IQCK: variants seen among roughly 807,000 people sequenced by gnomAD.
IQCK encodes IQ motif containing K, also known as IQ domain-containing protein K.
IQCK carries 29 observed loss-of-function variants against 28.1 expected under a neutral mutation model. That is an observed-to-expected ratio of 1.03 (90% CI 0.77 to 1.41). The LOEUF (loss-of-function observed/expected upper bound fraction) is 1.41, where lower values mean the gene tolerates loss of function less well. Among genes scored for constraint, IQCK ranks in the 40% most tolerant of loss-of-function variants. IQCK has a pLI of 0.00. For synonymous variants in IQCK, 113 were observed against 115.1 expected, an observed-to-expected ratio of 0.98 and a Z score of 0.12; for missense variants, 359 against 314.7, an observed-to-expected ratio of 1.14 and a Z score of -1.07.
chr16:19,735,686 C>T, intron 4 of IQCK: 1 of 498,412 alleles, frequency 2.0e-6, no homozygotes, highest in East Asian at 3.8e-5. Flanking sequence ...CTTGCTTGGC[C>T]TCCTGCCTGC....
chr16:19,845,292 CTGT>C (rs2056404681), intron 9 of IQCK, among the ~76,000 whole-genome samples: 1 of 152,240 alleles, frequency 6.6e-6, no homozygotes, highest in Admixed American at 6.5e-5. Context: ...GGGTTTGTCT[CTGT>C]TGTTCTTAAA....
intron 4 of IQCK, among the ~76,000 whole-genome samples, chr16:19,754,600 G>A (rs8056303): frequency 0.053 from 7,994 of 151,718 alleles, 668 homozygotes; most frequent in African/African-American, 0.18. Flanking sequence ...TTGCTACTAC[G>A]AATAATTCTG....
At chr16:19,779,544 A>G (rs887391369) in intron 6 of IQCK, among the ~76,000 whole-genome samples, 3 of 152,228 alleles carry the variant, frequency 2.0e-5, no homozygotes, top group South Asian at 4.1e-4. Context: ...ACTATATTAC[A>G]TTGACTCCAT....
intron 4 of IQCK, among the ~76,000 whole-genome samples, chr16:19,739,609 G>T (rs114920801): frequency 0.052 from 7,842 of 152,136 alleles, 664 homozygotes; most frequent in African/African-American, 0.18. Context: ...GAGCTTAGGA[G>T]TTTGAGACCA....
intron 6 of IQCK, among the ~76,000 whole-genome samples, chr16:19,781,988 A>G (rs2055491916): frequency 6.7e-6 from 1 of 148,208 alleles, no homozygotes; most frequent in Non-Finnish European, 1.5e-5. Flanking sequence ...GACTCCGCCT[A>G]AAACAACAAC....
At position 19,812,287 on chromosome 16, in the gene IQCK, A is replaced by C. The variant is rs556031589; in HGVS notation, c.691-14739A>C. ...CAAGCATGAGCCACTATGCCTGGCCATGGAAATAGCATTAAATTAATATTT... is the reference window on the plus strand; with the variant it reads ...CAAGCATGAGCCACTATGCCTGGCCCTGGAAATAGCATTAAATTAATATTT... On this transcript the variant is annotated intron_variant, in intron 7 of 7. Transcript: ENST00000564186. Among the ~76,000 whole-genome samples, 11 of 152,216 alleles carry C rather than the reference A, an allele frequency of 7.2e-5. No homozygotes were observed. In the South Asian group the frequency reaches 2.1e-3, roughly 29 times the overall value.
At chr16:19,838,630 A>G (rs896795044) in intron 9 of IQCK, among the ~76,000 whole-genome samples, 1 of 152,184 alleles carries the variant, frequency 6.6e-6, no homozygotes, top group African/African-American at 2.4e-5. Flanking sequence ...AAGATCCGCA[A>G]TCCTCATAGC....
At chr16:19,784,796 T>C (rs1290972828) in intron 6 of IQCK, among the ~76,000 whole-genome samples, 1 of 152,100 alleles carries the variant, frequency 6.6e-6, no homozygotes. Flanking sequence ...TGAGATGGAG[T>C]CTTGCTCTGT....
At chr16:19,732,810 G>A (rs998775464) in intron 2 of IQCK, among the ~76,000 whole-genome samples, 1 of 152,132 alleles carries the variant, frequency 6.6e-6, no homozygotes, top group Non-Finnish European at 1.5e-5. Context: ...GTGGTTCTAA[G>A]TGTTCTACTC....
intron 7 of IQCK, among the ~76,000 whole-genome samples, chr16:19,803,867 C>T (rs114202037): frequency 0.018 from 2,724 of 152,172 alleles, 76 homozygotes; most frequent in African/African-American, 0.063. Context: ...AAGCTAGTCT[C>T]GAACTCCTGG....
At chr16:19,783,039 T>C (rs1308250057) in intron 6 of IQCK, among the ~76,000 whole-genome samples, 1 of 151,382 alleles carries the variant, frequency 6.6e-6, no homozygotes, top group Admixed American at 6.6e-5. Flanking sequence ...TGTTGTGTTG[T>C]GCAGGCTGGA....
chr16:19,828,061 C>A (rs1028104079), downstream of IQCK, among the ~76,000 whole-genome samples: 1 of 149,738 alleles, frequency 6.7e-6, no homozygotes, highest in Non-Finnish European at 1.5e-5. Context: ...TACAGGCTTG[C>A]TCCACCACGC....
chr16:19,732,913 G>A (rs577539150), intron 2 of IQCK, among the ~76,000 whole-genome samples: 1 of 152,180 alleles, frequency 6.6e-6, no homozygotes, highest in Non-Finnish European at 1.5e-5. Context: ...TTATGATATC[G>A]AAGGACCAGA....
At chr16:19,735,593 C>T in intron 4 of IQCK, 143 bp downstream of exon 4, 1 of 665,236 alleles carries the variant, frequency 1.5e-6, no homozygotes, top group Non-Finnish European at 2.7e-6. Flanking sequence ...GGTCACTTAC[C>T]CAGTTCCAGC....
At chr16:19,741,596 T>G (rs2054835597) in intron 4 of IQCK, among the ~76,000 whole-genome samples, 1 of 152,126 alleles carries the variant, frequency 6.6e-6, no homozygotes, top group African/African-American at 2.4e-5. Flanking sequence ...ATGAAAACAG[T>G]CTAGATGTCA....
intron 6 of IQCK, among the ~76,000 whole-genome samples, chr16:19,775,544 C>T (rs1161070507): frequency 1.3e-5 from 2 of 152,136 alleles, no homozygotes; most frequent in Non-Finnish European, 2.9e-5. Context: ...ATAGTATCCC[C>T]GTTGTATTAG....
intron 6 of IQCK, among the ~76,000 whole-genome samples, chr16:19,783,102 G>A (rs113193353): frequency 0.031 from 4,640 of 151,792 alleles, 227 homozygotes; most frequent in African/African-American, 0.11. Context: ...GGGTTCAAGC[G>A]ATTCTCCTGC....
chr16:19,718,370 T>C, exon 1 of IQCK: 1 of 1,609,308 alleles, frequency 6.2e-7, no homozygotes, highest in South Asian at 1.1e-5. Context: ...CTCTACAGAC[T>C]CGTCGTTCAC....
chr16:19,753,056 GA>G (rs1450053665), intron 4 of IQCK, among the ~76,000 whole-genome samples: 4 of 150,858 alleles, frequency 2.7e-5, no homozygotes, highest in Non-Finnish European at 5.9e-5. Context: ...GTGTAGCAGA[GA>G]GAGAGAGAGA....
Sources: gnomAD v4.1 joint callset for allele counts (sites outside exome capture counted in the v4.1 genomes callset) on GRCh38, gnomAD v4.1.1 for gene constraint, MANE v1.5 for transcripts, NCBI Gene and HGNC (gene_info 2026-07-23, HGNC 2026-07-21) for gene names.